Variants in MTMR2 observed in about 807,000 individuals in gnomAD.
MTMR2 encodes phosphatidylinositol-3,5-bisphosphate 3-phosphatase MTMR2.
In MTMR2, 55 loss-of-function variants were observed where a neutral mutation model predicts 86.9. The ratio of observed to expected loss-of-function variants is 0.63; its 90% confidence interval spans 0.51 to 0.79. The LOEUF (loss-of-function observed/expected upper bound fraction) is 0.79. MTMR2 is among the 30% of genes least tolerant of loss of function. MTMR2 has a pLI of 0.00. For missense variants in MTMR2, 659 were observed against 772.3 expected, an observed-to-expected ratio of 0.85 and a Z score of 1.74; for synonymous variants, 241 against 266.8, an observed-to-expected ratio of 0.90 and a Z score of 0.94.
chr11:95,922,297 A>G (rs2135652164), intron 1 of MTMR2, among the ~76,000 whole-genome samples: 1 of 152,286 alleles, frequency 6.6e-6, no homozygotes. Context: ...ATGTGGTTCT[A>G]ACTTCTCTGC....
rs182472403 is a variant in MTMR2 at position 95,836,006 on chromosome 11, T to G, written c.1770+142A>C. ...TGATTACCCTGCCCCAGTGTAGTAT[T>G]TTTCTACTATACGATTGTTAACTAT... On this transcript the variant is annotated intron_variant, in intron 14 of 14. Coordinates refer to ENST00000346299, the MANE Select transcript of MTMR2 (RefSeq NM_016156.6). 4,999 of 866,370 alleles carry G rather than the reference T, an allele frequency of 5.8e-3. 20 individuals are homozygous for G. The highest frequency in any genetic ancestry group is 7.6e-3 in the Middle Eastern group (33 of 4,358). The allele number at this position is 866,370 out of a possible 1,614,324, so 53.7% of individuals were successfully genotyped here.
intron 11 of MTMR2, among the ~76,000 whole-genome samples, chr11:95,842,412 G>A (rs1454555257): frequency 2.0e-5 from 3 of 152,084 alleles, no homozygotes; most frequent in Non-Finnish European, 4.4e-5. Flanking sequence ...TGAGTGAAGG[G>A]TACCCCCTCC....
intron 7 of MTMR2, among the ~76,000 whole-genome samples, chr11:95,855,229 G>A (rs1167673638): frequency 6.6e-6 from 1 of 151,550 alleles, no homozygotes; most frequent in Non-Finnish European, 1.5e-5. Context: ...AAACCTAAAT[G>A]GTTATTAATA....
intron 6 of MTMR2, among the ~76,000 whole-genome samples, 195 bp from the exon 7 acceptor site, chr11:95,857,830 AAAAAG>A (rs1288450709): frequency 6.6e-6 from 1 of 152,182 alleles, no homozygotes; most frequent in African/African-American, 2.4e-5. Context: ...TAAGCATACA[AAAAAG>A]CAAAGACACT....
At chr11:95,849,650 A>G (rs781133874) in intron 9 of MTMR2, 24 bp downstream of exon 9, 3 of 1,607,502 alleles carry the variant, frequency 1.9e-6, no homozygotes, top group Non-Finnish European at 2.6e-6. Context: ...AACCATAATT[A>G]TAATTACTAA....
At chr11:95,884,608 A>G (rs1483662787) in intron 2 of MTMR2, among the ~76,000 whole-genome samples, 2 of 152,202 alleles carry the variant, frequency 1.3e-5, no homozygotes, top group Non-Finnish European at 2.9e-5. Flanking sequence ...GAGAAAGCTA[A>G]AAGAGATGAG....
intron 11 of MTMR2, among the ~76,000 whole-genome samples, chr11:95,842,746 C>A (rs537353638): frequency 1.8e-4 from 27 of 152,346 alleles, no homozygotes; most frequent in African/African-American, 6.0e-4. Flanking sequence ...GATAAAAATT[C>A]TGGTGCCTTT....
rs185625253 is a variant in MTMR2 at position 95,878,386 on chromosome 11, G to A, written c.186+9770C>T. ...AATGAATATATGCCACCATACCTTC[G>A]TCAAAACCCGCAGAATGTACACCAC... On this transcript the variant is annotated intron_variant, in intron 2 of 14. Transcript: ENST00000346299. Among the ~76,000 whole-genome samples the A allele has an allele frequency of 1.1e-3, 167 of 151,666 alleles. 1 individual carries two copies. The highest frequency in any genetic ancestry group is 4.2e-3 in the Admixed American group (64 of 15,174).
intron 1 of MTMR2, among the ~76,000 whole-genome samples, chr11:95,906,404 G>A (rs1866278370): frequency 6.6e-6 from 1 of 152,114 alleles, no homozygotes; most frequent in Non-Finnish European, 1.5e-5. Flanking sequence ...CATAAAACAA[G>A]TTCTTAGAGA....
chr11:95,848,219 A>G (rs1188702667), intron 9 of MTMR2, among the ~76,000 whole-genome samples: 3 of 152,312 alleles, frequency 2.0e-5, no homozygotes, highest in East Asian at 1.9e-4. Flanking sequence ...CTACCCAAAC[A>G]TAAGTTCTTA....
chr11:95,914,087 A>G (rs748112203), intron 1 of MTMR2, among the ~76,000 whole-genome samples: 8 of 152,162 alleles, frequency 5.3e-5, no homozygotes, highest in Non-Finnish European at 7.4e-5. Context: ...AGAACACAGA[A>G]TTTTAAGGAC....
At chr11:95,876,227 T>C (rs1364419784) in intron 2 of MTMR2, among the ~76,000 whole-genome samples, 1 of 152,222 alleles carries the variant, frequency 6.6e-6, no homozygotes, top group African/African-American at 2.4e-5. Context: ...GCAGGCCTCC[T>C]TGAGCTGCGG....
chr11:95,855,435 A>G (rs1246973420), intron 7 of MTMR2, among the ~76,000 whole-genome samples: 4 of 151,386 alleles, frequency 2.6e-5, no homozygotes. Context: ...ATTTTTTTGT[A>G]TAGATGGTGT....
chr11:95,895,428 A>C (rs1443677709), intron 1 of MTMR2, among the ~76,000 whole-genome samples: 3 of 152,154 alleles, frequency 2.0e-5, no homozygotes, highest in Non-Finnish European at 4.4e-5. Context: ...ACTACAAGGC[A>C]TATTTTGTAA....
At chr11:95,877,331 C>CTTTTTTTTTTTTTTTTTTTTT (rs1565368414) in intron 2 of MTMR2, among the ~76,000 whole-genome samples, 3 of 94,718 alleles carry the variant, frequency 3.2e-5, no homozygotes, top group African/African-American at 1.5e-4. Context: ...ACAGGGAAGC[C>CTTTTTTTTTTTTTTTTTTTTT]CTTTTTTTTT....
chr11:95,863,873 C>A (rs1322196061), intron 3 of MTMR2, among the ~76,000 whole-genome samples: 5 of 152,096 alleles, frequency 3.3e-5, no homozygotes, highest in African/African-American at 7.2e-5. Flanking sequence ...TACCCTCTAT[C>A]ATTCCTCAAG....
chr11:95,916,055 T>C (rs1399709251), intron 1 of MTMR2, among the ~76,000 whole-genome samples: 2 of 152,166 alleles, frequency 1.3e-5, no homozygotes, highest in Non-Finnish European at 2.9e-5. Context: ...TCTGCAGCAA[T>C]GTATTACCTC....
intron 7 of MTMR2, among the ~76,000 whole-genome samples, chr11:95,851,635 T>C (rs1282101063): frequency 1.3e-5 from 2 of 152,236 alleles, no homozygotes; most frequent in African/African-American, 4.8e-5. Flanking sequence ...GTGCAGGGTC[T>C]CATTCAGTTT....
At chr11:95,900,691 C>G (rs1866041660) in intron 1 of MTMR2, among the ~76,000 whole-genome samples, 1 of 152,090 alleles carries the variant, frequency 6.6e-6, no homozygotes, top group African/African-American at 2.4e-5. Context: ...CCCATCCAGT[C>G]TACTTTGGGA....
Sources: allele counts gnomAD v4.1 joint callset (sites outside exome capture counted in the v4.1 genomes callset), GRCh38; gene constraint gnomAD v4.1.1; transcripts MANE v1.5; gene names NCBI Gene and HGNC (gene_info 2026-07-23, HGNC 2026-07-21).